MACROD2: variants seen among roughly 807,000 people sequenced by gnomAD.
MACROD2 encodes ADP-ribose glycohydrolase MACROD2.
A neutral mutation model predicts 70.4 loss-of-function variants in MACROD2; 36 were observed. That is an observed-to-expected ratio of 0.51 (90% CI 0.39 to 0.68). The LOEUF is 0.68. Among genes scored for constraint, MACROD2 ranks in the 30% least tolerant of loss-of-function variants. The pLI is 0.00. For missense variants in MACROD2, 496 were observed against 538.4 expected (o/e 0.92, Z 0.78); for synonymous variants, 172 against 178.8 (o/e 0.96, Z 0.30).
At chr20:14,303,602 C>T (rs551516045) in intron 3 of MACROD2, among the ~76,000 whole-genome samples, 96 of 152,324 alleles carry the variant, frequency 6.3e-4, no homozygotes, top group African/African-American at 2.3e-3. Context: ...TCTGACTCCA[C>T]CATGTGAGAA....
intron 5 of MACROD2, among the ~76,000 whole-genome samples, chr20:14,766,488 A>G (rs763943705): frequency 7.2e-5 from 11 of 152,156 alleles, no homozygotes; most frequent in African/African-American, 2.7e-4. Flanking sequence ...CAAAGCAATT[A>G]GAGATTGGTG....
intron 6 of MACROD2, among the ~76,000 whole-genome samples, chr20:15,270,203 T>C (rs945808255): frequency 1.3e-5 from 2 of 151,830 alleles, no homozygotes; most frequent in Non-Finnish European, 2.9e-5. Context: ...GGTCGCTTTA[T>C]TTATAATTGC....
chr20:15,375,111 T>C (rs1350695152), intron 6 of MACROD2, among the ~76,000 whole-genome samples: 1 of 152,228 alleles, frequency 6.6e-6, no homozygotes. Flanking sequence ...ATGTTTCAAC[T>C]GTCTATATAA....
intron 3 of MACROD2, among the ~76,000 whole-genome samples, chr20:14,340,273 G>A (rs1343575646): frequency 6.6e-6 from 1 of 152,158 alleles, no homozygotes; most frequent in African/African-American, 2.4e-5. Context: ...GGGCTTCAGA[G>A]ATTAGCACAG....
intron 5 of MACROD2, among the ~76,000 whole-genome samples, chr20:15,085,490 T>C (rs573154772): frequency 1.1e-4 from 17 of 152,202 alleles, no homozygotes; most frequent in African/African-American, 3.8e-4. Context: ...GAAAATGATA[T>C]GTATGATAAG....
intron 6 of MACROD2, among the ~76,000 whole-genome samples, chr20:15,290,883 G>A (rs1389027402): frequency 1.3e-5 from 2 of 152,106 alleles, no homozygotes; most frequent in Admixed American, 6.6e-5. Context: ...TGGGGCAGAC[G>A]CTGAAGAAAA....
chr20:14,088,467 T>C (rs1180123163), intron 3 of MACROD2, among the ~76,000 whole-genome samples: 1 of 128,958 alleles, frequency 7.8e-6, no homozygotes, highest in Non-Finnish European at 1.6e-5. Flanking sequence ...TTTATATGTA[T>C]GTACATATGT....
At chr20:15,206,596 C>A (rs980278217) in intron 5 of MACROD2, among the ~76,000 whole-genome samples, 1 of 151,904 alleles carries the variant, frequency 6.6e-6, no homozygotes, top group Admixed American at 6.6e-5. Flanking sequence ...CTTTACCTCT[C>A]AAAGGCACTG....
At chr20:14,022,182 G>A (rs2053092598) in intron 2 of MACROD2, among the ~76,000 whole-genome samples, 1 of 152,268 alleles carries the variant, frequency 6.6e-6, no homozygotes, top group South Asian at 2.1e-4. Flanking sequence ...TGTTGAAGCA[G>A]CTGTAAGATA....
intron 4 of MACROD2, among the ~76,000 whole-genome samples, chr20:14,599,417 C>A (rs1982342718): frequency 6.6e-6 from 1 of 152,136 alleles, no homozygotes; most frequent in East Asian, 1.9e-4. Context: ...TGAAAGACAT[C>A]AGTGGAGTAA....
chr20:15,924,509 T>A (rs186246816), intron 10 of MACROD2, among the ~76,000 whole-genome samples: 7 of 152,336 alleles, frequency 4.6e-5, no homozygotes, highest in Non-Finnish European at 7.3e-5. Flanking sequence ...AACTTTTTTT[T>A]ATTTTTCTCT....
intron 3 of MACROD2, among the ~76,000 whole-genome samples, chr20:14,461,400 G>T (rs34395005): frequency 0.15 from 22,613 of 151,504 alleles, 2,370 homozygotes; most frequent in Non-Finnish European, 0.21. Context: ...TGATTTTTTT[G>T]AAGAGTTTTT....
In MACROD2 at chr20:15,885,774, TGAA is replaced by T. The variant is rs751951759; in HGVS notation, c.747_749del (p.Glu250del). On this transcript the variant is annotated inframe_deletion, in exon 10 of 18. Coordinates refer to ENST00000684519, the MANE Select transcript of MACROD2 (RefSeq NM_001351661.2). Reference sequence around the variant, plus strand: ...CCTATTTTTTAACAGACGATAATAATGAAGAAGAAGAGGATGTTGAAATGAAAG... The same window carrying T: ...CCTATTTTTTAACAGACGATAATAATGAAGAAGAGGATGTTGAAATGAAAG... 1.4e-5 allele frequency: 21 copies of T among 1,490,168 alleles called. No individual in the cohort carries two copies. The Admixed American group carries it at 3.4e-4, about 24-fold the overall frequency. 92.3% of individuals were successfully genotyped at this position (1,490,168 alleles called of 1,614,324 possible).
chr20:14,534,748 A>G (rs951944857), intron 4 of MACROD2, among the ~76,000 whole-genome samples: 1 of 151,960 alleles, frequency 6.6e-6, no homozygotes, highest in Non-Finnish European at 1.5e-5. Flanking sequence ...ACAGAAAAAT[A>G]AAAGACAGTT....
chr20:15,116,514 G>A (rs755029621), intron 5 of MACROD2, among the ~76,000 whole-genome samples: 4 of 152,030 alleles, frequency 2.6e-5, no homozygotes, highest in Admixed American at 6.6e-5. Context: ...GCCTGGTGAC[G>A]TGTGCCTGTA....
At chr20:14,201,575 C>A (rs1267558734) in intron 3 of MACROD2, among the ~76,000 whole-genome samples, 3 of 151,906 alleles carry the variant, frequency 2.0e-5, no homozygotes, top group Non-Finnish European at 4.4e-5. Context: ...GGCGTGGTGG[C>A]TCACGTCTGT....
At chr20:15,313,564 G>T (rs1204076708) in intron 6 of MACROD2, among the ~76,000 whole-genome samples, 3 of 151,212 alleles carry the variant, frequency 2.0e-5, no homozygotes, top group Non-Finnish European at 2.9e-5. Flanking sequence ...TCTTACTGGA[G>T]TAATGTGTGG....
At chr20:14,701,968 G>C (rs1194472775) in intron 5 of MACROD2, among the ~76,000 whole-genome samples, 2 of 152,098 alleles carry the variant, frequency 1.3e-5, no homozygotes, top group Non-Finnish European at 2.9e-5. Flanking sequence ...TAGCTAGTAA[G>C]GGTAGAGCAA....
intron 5 of MACROD2, among the ~76,000 whole-genome samples, chr20:14,743,941 A>G (rs77250200): frequency 0.034 from 5,248 of 152,232 alleles, 127 homozygotes; most frequent in Non-Finnish European, 0.05. Context: ...AACTTTGAAG[A>G]TGGAAGTAGG....
Sources: gnomAD v4.1 joint callset for allele counts (sites outside exome capture counted in the v4.1 genomes callset) on GRCh38, gnomAD v4.1.1 for gene constraint, MANE v1.5 for transcripts, NCBI Gene and HGNC (gene_info 2026-07-23, HGNC 2026-07-21) for gene names.